GALNTL6: variants seen among roughly 807,000 people sequenced by gnomAD.
GALNTL6 encodes the protein polypeptide N-acetylgalactosaminyltransferase-like 6.
Under a neutral mutation model 73.7 loss-of-function variants are expected in GALNTL6, and 46 were observed. That is an observed-to-expected ratio of 0.62 (90% CI 0.49 to 0.80). The LOEUF (loss-of-function observed/expected upper bound fraction) is 0.80. GALNTL6 is among the 30% of genes least tolerant of loss of function. The probability of loss-of-function intolerance (pLI) is 0.00; values close to 1 mark genes in which losing one functional copy is unlikely to be tolerated. For synonymous variants in GALNTL6, 259 were observed against 263.7 expected (o/e 0.98, Z 0.17); for missense variants, 604 against 755.0 (o/e 0.80, Z 2.34).
At chr4:171,981,113 CA>C (rs1445329402) in intron 2 of GALNTL6, among the ~76,000 whole-genome samples, 1 of 152,158 alleles carries the variant, frequency 6.6e-6, no homozygotes, top group African/African-American at 2.4e-5. Flanking sequence ...TGAGGACATG[CA>C]CCCAAGGTAA....
chr4:172,639,846 A>T (rs968522696), intron 5 of GALNTL6, among the ~76,000 whole-genome samples: 1 of 152,070 alleles, frequency 6.6e-6, no homozygotes, highest in Non-Finnish European at 1.5e-5. Flanking sequence ...ATAAAAGCTT[A>T]TCCTTTTTCA....
At chr4:172,155,915 A>G (rs1734238525) in intron 2 of GALNTL6, among the ~76,000 whole-genome samples, 1 of 152,120 alleles carries the variant, frequency 6.6e-6, no homozygotes. Context: ...AGCAAGCCCC[A>G]ACCAGACATG....
chr4:172,127,491 T>C (rs1292756351), intron 2 of GALNTL6, among the ~76,000 whole-genome samples: 3 of 152,248 alleles, frequency 2.0e-5, no homozygotes, highest in Non-Finnish European at 4.4e-5. Flanking sequence ...GAGGTTATTT[T>C]ACATGTACCT....
At chr4:172,675,754 A>G (rs1329002976) in intron 5 of GALNTL6, among the ~76,000 whole-genome samples, 2 of 152,220 alleles carry the variant, frequency 1.3e-5, no homozygotes, top group African/African-American at 4.8e-5. Flanking sequence ...GCTTTTCACT[A>G]TATACAAGAC....
At chr4:172,663,602 G>T (rs1731496710) in intron 5 of GALNTL6, among the ~76,000 whole-genome samples, 1 of 152,178 alleles carries the variant, frequency 6.6e-6, no homozygotes, top group South Asian at 2.1e-4. Context: ...AGGTTTGGAT[G>T]TGATTTCACT....
chr4:172,975,813 G>A (rs1488649436), intron 10 of GALNTL6, among the ~76,000 whole-genome samples: 3 of 152,162 alleles, frequency 2.0e-5, no homozygotes, highest in African/African-American at 7.2e-5. Context: ...AGCCACCCAG[G>A]CTCAGCCTCA....
chr4:171,997,406 G>A (rs541766189), intron 2 of GALNTL6, among the ~76,000 whole-genome samples: 9 of 152,138 alleles, frequency 5.9e-5, no homozygotes, highest in Non-Finnish European at 8.8e-5. Context: ...TAAACCCATC[G>A]TAAGTTGAAC....
At chr4:171,870,137 G>A (rs1736096428) in intron 2 of GALNTL6, among the ~76,000 whole-genome samples, 1 of 152,206 alleles carries the variant, frequency 6.6e-6, no homozygotes, top group South Asian at 2.1e-4. Context: ...TTCACTGGAA[G>A]ATGAGCGTTT....
chr4:172,222,777 G>C (rs1736728132), intron 2 of GALNTL6, among the ~76,000 whole-genome samples: 1 of 151,812 alleles, frequency 6.6e-6, no homozygotes, highest in South Asian at 2.1e-4. Flanking sequence ...AAATACAAAG[G>C]ATAAATTTGC....
chr4:172,908,976 G>A (rs1392301617), intron 8 of GALNTL6, among the ~76,000 whole-genome samples: 1 of 151,266 alleles, frequency 6.6e-6, no homozygotes. Flanking sequence ...AATGATAAGG[G>A]GCTAATCACA....
chr4:172,531,947 G>A (rs1261124449), intron 5 of GALNTL6, among the ~76,000 whole-genome samples: 3 of 152,200 alleles, frequency 2.0e-5, no homozygotes, highest in African/African-American at 7.2e-5. Flanking sequence ...TAAATTCAAA[G>A]ATAAAGTTAT....
Position 172,694,127 on chromosome 4 carries a change from T to C in GALNTL6, c.554-115234T>C, listed in dbSNP as rs548057375. 1.0e-3 allele frequency among the ~76,000 whole-genome samples: 156 copies of C among 151,186 alleles called. 2 individuals are homozygous for C. The South Asian group carries it at 0.022, about 21-fold the overall frequency. On this transcript the variant is annotated intron_variant, in intron 5 of 12. Transcript: ENST00000506823. The stretch of plus-strand genomic sequence containing the variant: ...TCAGTAAGCAGCTGCACTATTTCTT[T>C]TTTTTTTTTTCTTTTATTCTTTAAG...
intron 7 of GALNTL6, among the ~76,000 whole-genome samples, chr4:172,868,913 C>T (rs1374351227): frequency 1.3e-5 from 2 of 152,282 alleles, no homozygotes; most frequent in East Asian, 3.9e-4. Context: ...CTGAGGAACA[C>T]AGTCCTGCCT....
chr4:172,702,011 A>C (rs1425891963), intron 5 of GALNTL6, among the ~76,000 whole-genome samples: 1 of 152,076 alleles, frequency 6.6e-6, no homozygotes, highest in Admixed American at 6.6e-5. Flanking sequence ...GAGCAGGTAC[A>C]TTTTAATACT....
At position 172,804,589 on chromosome 4, in the gene GALNTL6, C is replaced by T. The variant is rs556785680; in HGVS notation, c.554-4772C>T. Among the ~76,000 whole-genome samples the T allele has an allele frequency of 3.9e-5, 6 of 152,304 alleles. No individual in the cohort carries two copies. In the East Asian group the frequency reaches 7.7e-4, roughly 20 times the overall value. On this transcript the variant is annotated intron_variant, in intron 5 of 12. Coordinates refer to ENST00000506823, the MANE Select transcript of GALNTL6 (RefSeq NM_001034845.3). ...ATACCAGCTGCTGAGCCTGGGGCAG[C>T]GGTTGGCATGACCTTTAGTGAGTCT...
At chr4:172,661,214 C>A (rs1472968571) in intron 5 of GALNTL6, among the ~76,000 whole-genome samples, 1 of 152,144 alleles carries the variant, frequency 6.6e-6, no homozygotes, top group Middle Eastern at 3.2e-3. Context: ...TAAAACAAAA[C>A]TGACCTCCAG....
At chr4:172,762,038 G>A (rs1228247943) in intron 5 of GALNTL6, among the ~76,000 whole-genome samples, 1 of 152,098 alleles carries the variant, frequency 6.6e-6, no homozygotes, top group Non-Finnish European at 1.5e-5. Context: ...ATCAAAGAAT[G>A]GGTAAATGTT....
At chr4:172,027,008 G>T (rs1422987928) in intron 2 of GALNTL6, among the ~76,000 whole-genome samples, 1 of 151,918 alleles carries the variant, frequency 6.6e-6, no homozygotes, top group South Asian at 2.1e-4. Flanking sequence ...TTCCACCTCA[G>T]ACTCTCGAGT....
chr4:172,287,247 A>G (rs1276888583), intron 3 of GALNTL6, among the ~76,000 whole-genome samples: 2 of 152,192 alleles, frequency 1.3e-5, no homozygotes, highest in Admixed American at 6.5e-5. Context: ...CTCTTTAGAT[A>G]ATAAGCTGAC....
Sources: allele counts gnomAD v4.1 joint callset (sites outside exome capture counted in the v4.1 genomes callset), GRCh38; gene constraint gnomAD v4.1.1; transcripts MANE v1.5; gene names NCBI Gene and HGNC (gene_info 2026-07-23, HGNC 2026-07-21).